Variants in VPS39 observed in about 807,000 individuals in gnomAD.
VPS39 encodes VPS39 subunit of HOPS complex, also known as vam6/Vps39-like protein.
VPS39 carries 70 observed loss-of-function variants against 121.0 expected under a neutral mutation model. The observed-to-expected ratio is 0.58, with a 90% CI of 0.48 to 0.71. The LOEUF (loss-of-function observed/expected upper bound fraction) is 0.71, where lower values mean the gene tolerates loss of function less well. Among genes scored for constraint, VPS39 ranks in the 30% least tolerant of loss-of-function variants. The pLI, the probability that VPS39 is intolerant of heterozygous loss-of-function variation, is 0.00. For missense variants in VPS39, 818 were observed against 1,051.5 expected (o/e 0.78, Z 3.07); for synonymous variants, 378 against 398.1 (o/e 0.95, Z 0.60).
intron 24 of VPS39, chr15:42,161,154 G>C (rs1319958121): frequency 2.7e-6 from 1 of 371,406 alleles, no homozygotes; most frequent in Non-Finnish European, 5.0e-6. Flanking sequence ...ATGTTCATCA[G>C]AACAGGTTTC....
intron 11 of VPS39, among the ~76,000 whole-genome samples, chr15:42,171,560 C>T (rs573068946): frequency 2.2e-3 from 337 of 152,362 alleles, no homozygotes; most frequent in Non-Finnish European, 3.6e-3. Context: ...GCTCATTCAG[C>T]TCATCCAACA....
intron 7 of VPS39, among the ~76,000 whole-genome samples, chr15:42,185,782 A>T (rs886115738): frequency 1.2e-4 from 18 of 152,214 alleles, no homozygotes; most frequent in African/African-American, 4.1e-4. Flanking sequence ...GGGTGATGGT[A>T]GTGTTGTGAA....
chr15:42,166,740 C>G, intron 14 of VPS39, 32 bp downstream of exon 14: 1 of 1,613,468 alleles, frequency 6.2e-7, no homozygotes, highest in East Asian at 2.2e-5. Flanking sequence ...TGTACAAGAG[C>G]CCCTCCCAGA....
rs769152184 is a variant in VPS39 at position 42,165,062 on chromosome 15, G to C, written c.1831C>G (p.Leu611Val). The C allele has an allele frequency of 1.2e-6, 2 of 1,614,234 alleles. No homozygotes were observed. Among genetic ancestry groups the C allele is most frequent in the South Asian group, 1.1e-5 (1 of 91,090 alleles). ...ACCTTCTCACAGTATAGCTGGATCA[G>C]GCAGTTGTGGAACCGAGAGCCTGTC... ...EETGSRFHNC[L>V]IQLYCEKVQG... Residue 611 changes from leucine (L) to valine (V), a missense_variant, in exon 18 of 25, where the codon CTG becomes GTG. By Grantham distance (32) the Leu-to-Val change is conservative. Transcript: ENST00000318006.
chr15:42,179,035 C>G (rs1431953841), intron 8 of VPS39: 1 of 155,704 alleles, frequency 6.4e-6, no homozygotes, highest in Non-Finnish European at 1.4e-5. Context: ...AAAAAAATTG[C>G]TTTGCTTGAG....
chr15:42,175,396 G>C (rs2049430728), intron 10 of VPS39, among the ~76,000 whole-genome samples: 1 of 145,856 alleles, frequency 6.9e-6, no homozygotes, highest in African/African-American at 2.6e-5. Flanking sequence ...GATAGAGGAA[G>C]ACTCTGTCTC....
rs1239381481 is a variant in VPS39, at chr15:42,158,782, T to A, written c.*1972A>T. The A allele has an allele frequency of 1.3e-5, 2 of 152,206 alleles. No individual in the cohort carries two copies. The highest frequency in any genetic ancestry group is 2.9e-5 in the Non-Finnish European group (2 of 68,048). 9.4% of individuals were successfully genotyped at this position (152,206 alleles called of 1,614,324 possible). On this transcript the variant is annotated 3_prime_UTR_variant, in exon 25 of 25. Transcript: ENST00000318006. ...ATCAGTCCTCACTACAAAGCTTTCA[T>A]CTCCAGCCTTCTCCATAGCTCTGTG...
At position 42,160,794 on chromosome 15, in the gene VPS39, T is replaced by C. The variant is rs2049112549; in HGVS notation, c.2588A>G (p.His863Arg). 2 of 1,614,056 alleles carry C rather than the reference T, an allele frequency of 1.2e-6. No individual in the cohort carries two copies. Among genetic ancestry groups the C allele is most frequent in the African/African-American group, 2.7e-5 (2 of 74,910 alleles). Residue 863 changes from histidine to arginine, a missense_variant, in exon 25 of 25, where the codon CAT (histidine) becomes CGT (arginine). Coordinates refer to ENST00000318006, the MANE Select transcript of VPS39 (RefSeq NM_015289.5). The stretch of plus-strand genomic sequence containing the variant: ...GTTTACCTCTTTGGAACAGAAGTAA[T>C]GGACGACCACTCCATTGGGGTATCT... ...FARYPNGVVVHYFCSKEVNPA... is the reference protein window; with the variant it reads ...FARYPNGVVVRYFCSKEVNPA...
At chr15:42,163,821 T>C (rs1319190430) in intron 19 of VPS39, 93 bp from the exon 20 acceptor site, 3 of 819,310 alleles carry the variant, frequency 3.7e-6, no homozygotes, top group African/African-American at 3.5e-5. Context: ...CGAGGCAATA[T>C]AAAGGGAAGA....
At chr15:42,200,688 A>G (rs1319782990) in intron 1 of VPS39, among the ~76,000 whole-genome samples, 1 of 152,208 alleles carries the variant, frequency 6.6e-6, no homozygotes, top group Non-Finnish European at 1.5e-5. Context: ...GGACCCAGCA[A>G]TTCCACTCCT....
intron 11 of VPS39, among the ~76,000 whole-genome samples, chr15:42,172,157 T>C (rs2049359175): frequency 6.6e-6 from 1 of 152,208 alleles, no homozygotes; most frequent in Admixed American, 6.5e-5. Context: ...GCAGGACCCT[T>C]GTAAACCAAC....
chr15:42,185,178 CT>C (rs34792839), intron 7 of VPS39, among the ~76,000 whole-genome samples: 2,053 of 136,192 alleles, frequency 0.015, 22 homozygotes, highest in African/African-American at 0.034. Flanking sequence ...TTGAAAACAA[CT>C]TTTTTTTTTT....
rs1033352470 is a variant in VPS39, at chr15:42,163,249, C to T, written c.2175+101G>A. 5.0e-6 allele frequency: 7 copies of T among 1,386,352 alleles called. No homozygotes were observed. The African/African-American group carries it at 7.1e-5, about 14-fold the overall frequency. 85.9% of individuals were successfully genotyped at this position (1,386,352 alleles called of 1,614,324 possible). A position where few individuals can be genotyped will look rare whatever the true frequency, so the allele number is the denominator to read the frequency against. ...TGCAAGATCAATCAGAGCCCTGACT[C>T]GTGCCCTGTCTTATTCTGCCACTCA... On this transcript the variant is annotated intron_variant, in intron 21 of 24. Transcript: ENST00000318006.
At position 42,159,431 on chromosome 15, in the gene VPS39, G is replaced by A. The variant is rs1246352780; in HGVS notation, c.*1323C>T. On this transcript the variant is annotated 3_prime_UTR_variant, in exon 25 of 25. Coordinates refer to ENST00000318006, the MANE Select transcript of VPS39 (RefSeq NM_015289.5). ...TCTGCAAAAACCCCGGGGAGGACAG[G>A]AGGCAGGGCCACTCTCCCTGTGTGT... 1 of 152,328 alleles carries A rather than the reference G, an allele frequency of 6.6e-6. No homozygotes were observed. The highest frequency in any genetic ancestry group is 1.5e-5 in the Non-Finnish European group (1 of 68,126). 9.4% of individuals were successfully genotyped at this position (152,328 alleles called of 1,614,324 possible). A position where few individuals can be genotyped will look rare whatever the true frequency, so the allele number is the denominator to read the frequency against.
chr15:42,200,499 A>C (rs936023046), intron 1 of VPS39, among the ~76,000 whole-genome samples: 1 of 152,236 alleles, frequency 6.6e-6, no homozygotes, highest in Non-Finnish European at 1.5e-5. Context: ...GACGTAACAT[A>C]ATAAGCTTAC....
At chr15:42,191,855 T>G (rs1030396229) in intron 2 of VPS39, among the ~76,000 whole-genome samples, 1 of 152,102 alleles carries the variant, frequency 6.6e-6, no homozygotes, top group African/African-American at 2.4e-5. Context: ...TCTTGCAAAA[T>G]CAGTACCTTG....
At chr15:42,162,678 C>G (rs2049155894) in intron 21 of VPS39, 197 bp from the exon 22 acceptor site, 1 of 559,502 alleles carries the variant, frequency 1.8e-6, no homozygotes, top group Non-Finnish European at 2.8e-6. Context: ...TTGCTTTTTC[C>G]CTGAGAGAAA....
Position 42,160,379 on chromosome 15 carries a change from T to A in VPS39, c.*375A>T, listed in dbSNP as rs1381714054. On this transcript the variant is annotated 3_prime_UTR_variant, in exon 25 of 25. Coordinates refer to ENST00000318006, the MANE Select transcript of VPS39 (RefSeq NM_015289.5). The stretch of plus-strand genomic sequence containing the variant: ...GCCATGCTGAGCGGTCCTTGTGAAG[T>A]CATGTACTTAATAGAAAAGCCCTTG... 1.6e-5 allele frequency: 4 copies of A among 252,462 alleles called. No individual in the cohort carries two copies. The highest frequency in any genetic ancestry group is 3.2e-5 in the Non-Finnish European group (4 of 125,664). 15.6% of individuals were successfully genotyped at this position (252,462 alleles called of 1,614,324 possible). A position where few individuals can be genotyped will look rare whatever the true frequency, so the allele number is the denominator to read the frequency against.
intron 2 of VPS39, chr15:42,199,627 A>C (rs1002908654): frequency 6.2e-6 from 3 of 481,344 alleles, no homozygotes; most frequent in Admixed American, 6.9e-5. Flanking sequence ...GAAAACAACC[A>C]CCTCCTCTTT....
Sources: allele counts gnomAD v4.1 joint callset (sites outside exome capture counted in the v4.1 genomes callset), GRCh38; gene constraint gnomAD v4.1.1; transcripts MANE v1.5; gene names NCBI Gene and HGNC (gene_info 2026-07-23, HGNC 2026-07-21).